The following LRRC8C variants were observed in gnomAD, a reference collection of about 807,000 sequenced individuals.
The protein encoded by LRRC8C is volume-regulated anion channel subunit LRRC8C.
A neutral mutation model predicts 55.3 loss-of-function variants in LRRC8C; 20 were observed. The observed-to-expected ratio is 0.36, with a 90% CI of 0.25 to 0.53. The LOEUF (loss-of-function observed/expected upper bound fraction) is 0.53. Ranked by LOEUF, LRRC8C falls within the 20% of genes least tolerant of loss-of-function variation. The pLI is 0.92. For synonymous variants in LRRC8C, 376 were observed against 360.7 expected (o/e 1.04, Z -0.48); for missense variants, 659 against 951.4 (o/e 0.69, Z 4.04).
intron 1 of LRRC8C, among the ~76,000 whole-genome samples, chr1:89,667,654 G>A (rs1657309264): frequency 6.6e-6 from 1 of 152,138 alleles, no homozygotes; most frequent in Admixed American, 6.6e-5. Context: ...AGGCATTTGA[G>A]CCTTGGAACT....
rs1658809703 is a variant in LRRC8C at position 89,716,060 on chromosome 1, CAAAA to C, written c.*1080_*1083del. The C allele has an allele frequency of 6.6e-6, 1 of 152,106 alleles. No homozygotes were observed. 9.4% of individuals were successfully genotyped at this position (152,106 alleles called of 1,614,324 possible). ...CCACCAACTGTAGATGGAAAATACT[CAAAA>C]AGAAAGTTGTGTCTGTACTGAATAT... On this transcript the variant is annotated 3_prime_UTR_variant, in exon 3 of 3. Coordinates refer to ENST00000370454, the MANE Select transcript of LRRC8C (RefSeq NM_032270.5).
chr1:89,718,706 T>C lies in LRRC8C; in HGVS notation c.*3724T>C, dbSNP rs1441404931. On this transcript the variant is annotated 3_prime_UTR_variant, in exon 3 of 3. Transcript: ENST00000370454. ...AGTCAATTTGAATATAATTCCACTT[T>C]GTTTTTAGAGACTAAATTAAGATTC... is the stretch of plus-strand genomic sequence containing the variant. 6.6e-6 allele frequency: 1 copy of C among 152,194 alleles called. No individual in the cohort carries two copies. The highest frequency in any genetic ancestry group is 6.5e-5 in the Admixed American group (1 of 15,272). The allele number at this position is 152,194 out of a possible 1,614,324, so 9.4% of individuals were successfully genotyped here. A position where few individuals can be genotyped will look rare whatever the true frequency, so the allele number is the denominator to read the frequency against.
chr1:89,622,310 G>T, the LRRC8C span, among the ~76,000 whole-genome samples: 1 of 151,324 alleles, frequency 6.6e-6, no homozygotes. Context: ...TTGTTACATG[G>T]ATGAAATGAA....
intron 2 of LRRC8C, among the ~76,000 whole-genome samples, chr1:89,709,515 T>C (rs546502941): frequency 7.9e-4 from 120 of 152,292 alleles, no homozygotes; most frequent in African/African-American, 2.8e-3. Flanking sequence ...GTACAGTGCA[T>C]AACCTAAAAT....
intron 1 of LRRC8C, among the ~76,000 whole-genome samples, chr1:89,658,148 G>A (rs1166940407): frequency 6.6e-6 from 1 of 152,112 alleles, no homozygotes; most frequent in Non-Finnish European, 1.5e-5. Flanking sequence ...CTACTGTTTG[G>A]TTTAACTAGC....
the LRRC8C span, among the ~76,000 whole-genome samples, chr1:89,617,792 G>A: frequency 2.6e-5 from 4 of 152,112 alleles, no homozygotes; most frequent in African/African-American, 9.7e-5. Context: ...CTCAGGTTCA[G>A]TCACTCACTA....
intron 1 of LRRC8C, among the ~76,000 whole-genome samples, chr1:89,635,250 T>C (rs1204858341): frequency 6.6e-6 from 1 of 152,250 alleles, no homozygotes. Flanking sequence ...TGATTTTTAA[T>C]ACTCTATAGT....
chr1:89,617,754 C>T, the LRRC8C span, among the ~76,000 whole-genome samples: 1 of 152,274 alleles, frequency 6.6e-6, no homozygotes, highest in East Asian at 1.9e-4. Context: ...GCCCAACTGG[C>T]TTCAAATTTA....
At position 89,713,864 on chromosome 1, in the gene LRRC8C, A is replaced by C. The variant is rs1330180240; in HGVS notation, c.1294A>C (p.Met432Leu). The C allele has an allele frequency of 6.2e-7, 1 of 1,614,066 alleles. No individual in the cohort carries two copies. The highest frequency in any genetic ancestry group is 8.5e-7 in the Non-Finnish European group (1 of 1,180,004). Residue 432 changes from methionine (M) to leucine (L), a missense_variant, in exon 3 of 3, where the codon ATG becomes CTG. Coordinates refer to ENST00000370454, the MANE Select transcript of LRRC8C (RefSeq NM_032270.5). This position sits in a 1 kb window ranked among gnomAD's most constrained non-coding sequence, Gnocchi z 5.2. ...TAATCGACTGGAATTGCCTCTTATC[A>C]TGCTCTCTGGCCTTCCAGACACTGT... Reference protein sequence around the residue: ...AHNRLELPLIMLSGLPDTVFE... With the variant: ...AHNRLELPLILLSGLPDTVFE...
Position 89,666,922 on chromosome 1 carries a change from G to A in LRRC8C, c.-4-19548G>A, listed in dbSNP as rs187383048. Among the ~76,000 whole-genome samples the A allele has an allele frequency of 1.5e-3, 230 of 152,190 alleles. 2 individuals are homozygous for A. Among genetic ancestry groups the A allele is most frequent in the Middle Eastern group, 6.8e-3 (2 of 294 alleles). On this transcript the variant is annotated intron_variant, in intron 1 of 2. Coordinates refer to ENST00000370454, the MANE Select transcript of LRRC8C (RefSeq NM_032270.5). ...AAGTATAACTAAATGAGTAATACCCGTATAGTACATCTGATAAAGATAATG... is the reference window on the plus strand; with the variant it reads ...AAGTATAACTAAATGAGTAATACCCATATAGTACATCTGATAAAGATAATG...
intron 1 of LRRC8C, among the ~76,000 whole-genome samples, chr1:89,659,072 T>G (rs1657041756): frequency 9.4e-6 from 1 of 106,722 alleles, no homozygotes; most frequent in African/African-American, 3.3e-5. Context: ...TGTGTGTGTG[T>G]GTGTGTGTGT....
chr1:89,702,089 G>A (rs888578201), intron 2 of LRRC8C, among the ~76,000 whole-genome samples: 2 of 152,050 alleles, frequency 1.3e-5, no homozygotes, highest in Non-Finnish European at 2.9e-5. Flanking sequence ...GGTGCCTGCC[G>A]ACCAGAAACT....
chr1:89,616,153 G>A, the LRRC8C span, among the ~76,000 whole-genome samples: 1 of 152,110 alleles, frequency 6.6e-6, no homozygotes, highest in Non-Finnish European at 1.5e-5. Flanking sequence ...CTATATGCCA[G>A]GTCCTTCATG....
intron 2 of LRRC8C, among the ~76,000 whole-genome samples, chr1:89,698,370 C>T (rs1031438149): frequency 2.6e-5 from 4 of 152,114 alleles, no homozygotes; most frequent in African/African-American, 7.2e-5. Flanking sequence ...ATATTTATTG[C>T]GTACCTACTT....
chr1:89,659,061 TTGTGTGTGTGTG>T (rs71084956), intron 1 of LRRC8C, among the ~76,000 whole-genome samples: 13 of 53,974 alleles, frequency 2.4e-4, no homozygotes, highest in African/African-American at 8.2e-4. Context: ...TTTTTTTTTT[TTGTGTGTGTGTG>T]TGTGTGTGTG....
chr1:89,709,845 G>A (rs1570743562), intron 2 of LRRC8C, among the ~76,000 whole-genome samples: 1 of 149,892 alleles, frequency 6.7e-6, no homozygotes, highest in Non-Finnish European at 1.5e-5. Flanking sequence ...TCCGCCTCCC[G>A]GGTTCACGCC....
chr1:89,617,274 A>T, the LRRC8C span, among the ~76,000 whole-genome samples: 4 of 152,208 alleles, frequency 2.6e-5, no homozygotes, highest in South Asian at 2.1e-4. Flanking sequence ...AAGGACACTC[A>T]TGTTGTCTTC....
intron 2 of LRRC8C, among the ~76,000 whole-genome samples, chr1:89,695,784 C>T (rs1288612118): frequency 6.6e-6 from 1 of 152,126 alleles, no homozygotes; most frequent in East Asian, 1.9e-4. Flanking sequence ...TTCCCCAAAA[C>T]TTCAAACAGA....
chr1:89,651,308 C>T (rs2101195601), intron 1 of LRRC8C, among the ~76,000 whole-genome samples: 1 of 152,184 alleles, frequency 6.6e-6, no homozygotes, highest in East Asian at 1.9e-4. Flanking sequence ...GTGGCTCACG[C>T]CTGTAATCCC....
Sources: gnomAD v4.1 joint callset for allele counts (sites outside exome capture counted in the v4.1 genomes callset) on GRCh38, gnomAD v4.1.1 for gene constraint, Gnocchi (gnomAD v3.1) non-coding constraint, MANE v1.5 for transcripts, NCBI Gene and HGNC (gene_info 2026-07-23, HGNC 2026-07-21) for gene names.